Variants in GIT2 observed in about 807,000 individuals in gnomAD.
GIT2 encodes ARF GTPase-activating protein GIT2.
Under a neutral mutation model 100.3 loss-of-function variants are expected in GIT2, and 32 were observed. That is an observed-to-expected ratio of 0.32 (90% CI 0.24 to 0.43). The LOEUF (loss-of-function observed/expected upper bound fraction) is 0.43, where lower values mean the gene tolerates loss of function less well. GIT2 is among the 20% of genes least tolerant of loss of function. GIT2 has a pLI of 1.00. For missense variants in GIT2, 737 were observed against 975.1 expected, an observed-to-expected ratio of 0.76 and a Z score of 3.25; for synonymous variants, 353 against 364.1, an observed-to-expected ratio of 0.97 and a Z score of 0.35.
chr12:109,946,678 G>C (rs1054017341), intron 15 of GIT2, among the ~76,000 whole-genome samples: 2 of 152,140 alleles, frequency 1.3e-5, no homozygotes, highest in Non-Finnish European at 2.9e-5. Flanking sequence ...CCCCACCACG[G>C]TGGGAGGAGC....
chr12:109,945,474 A>ACTCTGTCGCCCAGGCTGGAGTGCAGTG, intron 15 of GIT2, 125 bp from the exon 16 acceptor site: 1 of 651,194 alleles, frequency 1.5e-6, no homozygotes. Context: ...CTGCAATCTC[A>ACTCTGTCGCCCAGGCTGGAGTGCAGTG]GTGGCCACCA....
At chr12:109,975,412 T>C (rs980953149) in intron 7 of GIT2, among the ~76,000 whole-genome samples, 1 of 152,076 alleles carries the variant, frequency 6.6e-6, no homozygotes, top group African/African-American at 2.4e-5. Context: ...TCTTGCTCTG[T>C]TGCTTGGGCT....
intron 2 of GIT2, 146 bp downstream of exon 2, chr12:109,991,481 A>C (rs1475349712): frequency 1.6e-6 from 1 of 644,970 alleles, no homozygotes; most frequent in African/African-American, 1.8e-5. Context: ...AATATTTGTA[A>C]ATAGCATTGA....
intron 1 of GIT2, among the ~76,000 whole-genome samples, chr12:109,993,840 T>A (rs143016818): frequency 6.6e-6 from 1 of 151,810 alleles, no homozygotes; most frequent in African/African-American, 2.4e-5. Flanking sequence ...GAGTGTGATG[T>A]ATTTGAAATG....
In GIT2 at chr12:109,947,608, G is replaced by C; in HGVS notation, c.1393-104C>G. On this transcript the variant is annotated intron_variant, in intron 14 of 19. Coordinates refer to ENST00000355312, the MANE Select transcript of GIT2 (RefSeq NM_057169.5). The surrounding 1 kb of genome is among the most constrained non-coding windows in gnomAD (Gnocchi z 4.3). ...CTACCAGTTTTAAACAATAAGGACA[G>C]TAACAGCTAGCCGGGCTGAAAGTAA... 1 of 1,036,678 alleles carries C rather than the reference G, an allele frequency of 9.6e-7. No homozygotes were observed. Among genetic ancestry groups the C allele is most frequent in the South Asian group, 1.5e-5 (1 of 65,314 alleles). 64.2% of individuals were successfully genotyped at this position (1,036,678 alleles called of 1,614,324 possible). A position where few individuals can be genotyped will look rare whatever the true frequency, so the allele number is the denominator to read the frequency against.
rs538092612 is a variant in GIT2 at position 109,942,820 on chromosome 12, A to G, written c.1731+2440T>C. On this transcript the variant is annotated intron_variant, in intron 16 of 19. Transcript: ENST00000355312. Reference sequence around the variant, plus strand: ...TGGAAAACAACATATAGCAGCAACCACCCAGGAAATCAGTTACTTACACGT... The same window carrying G: ...TGGAAAACAACATATAGCAGCAACCGCCCAGGAAATCAGTTACTTACACGT... The G allele has an allele frequency of 3.9e-5, 6 of 152,306 alleles. No individual in the cohort carries two copies. The East Asian group carries it at 1.2e-3, about 29-fold the overall frequency. The allele number at this position is 152,306 out of a possible 1,614,324, so 9.4% of individuals were successfully genotyped here.
chr12:109,932,987 G>T lies in GIT2; in HGVS notation c.2271C>A (p.Asn757Lys), dbSNP rs1320012830. The T allele has an allele frequency of 1.2e-6, 2 of 1,602,066 alleles. No homozygotes were observed. Among genetic ancestry groups the T allele is most frequent in the Non-Finnish European group, 1.7e-6 (2 of 1,169,434 alleles). The change falls in exon 20 of 20, where the codon AAC (asparagine) becomes AAA (lysine). Residue 757 changes from asparagine to lysine, a missense_variant. By Grantham distance (94) the Asn-to-Lys change is moderately conservative (BLOSUM62 0). This residue lies in a region of GIT2 where 451 missense variants were observed against 543.7 expected (regional missense o/e 0.83). Coordinates refer to ENST00000355312, the MANE Select transcript of GIT2 (RefSeq NM_057169.5). ...CGGTGCCCTGCCCTTGTCAGTTGTT[G>T]TTCTCTTTGGTGGTGATGGTAACCA... ...KQLVTITTKE[N>K]NN
In GIT2 at chr12:109,991,573, T is replaced by C. The variant is rs1888409246; in HGVS notation, c.186+54A>G. On this transcript the variant is annotated intron_variant, in intron 2 of 19. Transcript: ENST00000355312. Reference sequence around the variant, plus strand: ...CCAGGAGAAATTTAAGTTATTAACATGATGAGCCCTAAAATGTAAATTACC... The same window carrying C: ...CCAGGAGAAATTTAAGTTATTAACACGATGAGCCCTAAAATGTAAATTACC... The C allele has an allele frequency of 2.7e-5, 39 of 1,447,496 alleles. No homozygotes were observed. The South Asian group carries it at 4.4e-4, about 16-fold the overall frequency. The allele number at this position is 1,447,496 out of a possible 1,614,324, so 89.7% of individuals were successfully genotyped here.
chr12:109,956,595 A>G (rs1160584296), intron 12 of GIT2, among the ~76,000 whole-genome samples: 2 of 152,238 alleles, frequency 1.3e-5, no homozygotes, highest in Non-Finnish European at 2.9e-5. Flanking sequence ...ATGAATTTGT[A>G]AATATGGGAT....
chr12:109,985,752 C>G (rs1378334789), intron 4 of GIT2, among the ~76,000 whole-genome samples: 1 of 152,074 alleles, frequency 6.6e-6, no homozygotes, highest in Non-Finnish European at 1.5e-5. Flanking sequence ...ACTCAGGAGG[C>G]TGAGGCGGGT....
upstream of GIT2, chr12:109,997,861 G>A (rs1889670079): frequency 2.6e-5 from 4 of 152,214 alleles, no homozygotes; most frequent in Admixed American, 2.6e-4. Context: ...AATGAAATGA[G>A]GTAAATCAGT....
intron 7 of GIT2, among the ~76,000 whole-genome samples, chr12:109,975,447 G>C (rs11069139): frequency 0.24 from 36,481 of 151,898 alleles, 4,815 homozygotes; most frequent in South Asian, 0.47. Flanking sequence ...ATGCTTAAGC[G>C]ATTAGGAGAA....
In GIT2 at chr12:109,931,095, C is replaced by T. The variant is rs1016455737; in HGVS notation, c.*1883G>A. On this transcript the variant is annotated 3_prime_UTR_variant, in exon 20 of 20. Coordinates refer to ENST00000355312, the MANE Select transcript of GIT2 (RefSeq NM_057169.5). The stretch of plus-strand genomic sequence containing the variant: ...GGTGACTTAGTAAAGCAAGCACCGT[C>T]GGGGTGCTACTTTCATGACAGCATA... The T allele has an allele frequency of 6.6e-6, 1 of 152,184 alleles. No individual in the cohort carries two copies. The highest frequency in any genetic ancestry group is 1.5e-5 in the Non-Finnish European group (1 of 68,038). The allele number at this position is 152,184 out of a possible 1,614,324, so 9.4% of individuals were successfully genotyped here.
chr12:109,975,024 A>C (rs1290725016), intron 7 of GIT2, among the ~76,000 whole-genome samples: 1 of 152,080 alleles, frequency 6.6e-6, no homozygotes, highest in East Asian at 1.9e-4. Context: ...GTCCCTCTCT[A>C]TCCGTGCTAA....
intron 15 of GIT2, among the ~76,000 whole-genome samples, chr12:109,946,623 G>A (rs999158192): frequency 6.6e-6 from 1 of 152,352 alleles, no homozygotes; most frequent in African/African-American, 2.4e-5. Flanking sequence ...TAAGACTGAT[G>A]TAGAGTATTA....
chr12:109,943,726 G>A (rs1875462554), intron 16 of GIT2, among the ~76,000 whole-genome samples: 1 of 132,500 alleles, frequency 7.5e-6, no homozygotes, highest in Non-Finnish European at 1.6e-5. Flanking sequence ...TCACTGTGTT[G>A]TCCAGGCTGG....
At chr12:109,994,693 T>C (rs1254146692) in intron 1 of GIT2, among the ~76,000 whole-genome samples, 2 of 152,154 alleles carry the variant, frequency 1.3e-5, no homozygotes, top group African/African-American at 2.4e-5. Context: ...GGAGGAACAA[T>C]TTTGCTTTGC....
chr12:109,984,487 T>A (rs1438938287), intron 4 of GIT2, among the ~76,000 whole-genome samples: 1 of 151,720 alleles, frequency 6.6e-6, no homozygotes, highest in Admixed American at 6.6e-5. Context: ...TGCTCTGTCA[T>A]CCAGGCTGGA....
chr12:109,983,797 CATA>C, intron 4 of GIT2, 103 bp from the exon 5 acceptor site: 4 of 706,768 alleles, frequency 5.7e-6, no homozygotes, highest in South Asian at 1.7e-5. Context: ...ATCAGTAACG[CATA>C]ATCTTTATTT....
Sources: allele counts gnomAD v4.1 joint callset (sites outside exome capture counted in the v4.1 genomes callset), GRCh38; gene constraint gnomAD v4.1.1; regional missense constraint gnomAD v4.1.1; non-coding constraint Gnocchi (gnomAD v3.1); transcripts MANE v1.5; gene names NCBI Gene and HGNC (gene_info 2026-07-23, HGNC 2026-07-21).